Variants in FHIT observed in about 807,000 individuals in gnomAD.
FHIT encodes fragile histidine triad diadenosine triphosphatase.
In FHIT, 19 loss-of-function variants were observed where a neutral mutation model predicts 17.9. That is an observed-to-expected ratio of 1.06 (90% confidence interval 0.74 to 1.56). The LOEUF (loss-of-function observed/expected upper bound fraction) is 1.56, where lower values mean the gene tolerates loss of function less well. FHIT is among the 40% of genes most tolerant of loss of function. The pLI, the probability that FHIT is intolerant of heterozygous loss-of-function variation, is 0.00. For missense variants in FHIT, 248 were observed against 189.2 expected, an observed-to-expected ratio of 1.31 and a Z score of -1.82; for synonymous variants, 81 against 69.7, an observed-to-expected ratio of 1.16 and a Z score of -0.81.
rs1199346515 is a variant in FHIT at position 60,645,153 on chromosome 3, A to G, written c.-17-108174T>C. Among the ~76,000 whole-genome samples, 12 of 152,022 alleles carry G rather than the reference A, an allele frequency of 7.9e-5. No individual in the cohort carries two copies. In the East Asian group the frequency reaches 2.3e-3, roughly 29 times the overall value. On this transcript the variant is annotated intron_variant, in intron 4 of 9. Transcript: ENST00000492590. ...TTTCCATGACTCCTTCAGTTACTGT[A>G]TTGAAGTATATCAAAAACAACCCCA...
chr3:60,868,047 T>G (rs1175551262), intron 3 of FHIT, among the ~76,000 whole-genome samples: 3 of 152,122 alleles, frequency 2.0e-5, no homozygotes, highest in Non-Finnish European at 2.9e-5. Context: ...AGACATAGCT[T>G]GTTATGACAT....
chr3:60,483,497 A>G lies in FHIT; in HGVS notation c.103+53363T>C, dbSNP rs189103969. On this transcript the variant is annotated intron_variant, in intron 5 of 9. Transcript: ENST00000492590. ...TATCCACCACGATCAAGTCAGCTTC[A>G]TTCCTGGGATTCAATGGTGGTTCAA... Among the ~76,000 whole-genome samples the G allele has an allele frequency of 1.8e-4, 28 of 152,354 alleles. 1 individual carries two copies. In the South Asian group the frequency reaches 2.9e-3, roughly 16 times the overall value.
chr3:60,747,664 T>A (rs1198091834), intron 4 of FHIT, among the ~76,000 whole-genome samples: 8 of 152,200 alleles, frequency 5.3e-5, no homozygotes, highest in Non-Finnish European at 1.2e-4. Flanking sequence ...AGATTACTTT[T>A]AGCTGGGGTG....
intron 8 of FHIT, among the ~76,000 whole-genome samples, chr3:59,878,796 G>A (rs1271845253): frequency 1.3e-5 from 2 of 152,126 alleles, no homozygotes; most frequent in Non-Finnish European, 2.9e-5. Context: ...TAACGAGAAA[G>A]GGTTTGAGAG....
intron 5 of FHIT, among the ~76,000 whole-genome samples, chr3:60,295,472 G>A (rs937086586): frequency 2.0e-4 from 30 of 152,128 alleles, no homozygotes; most frequent in African/African-American, 6.7e-4. Flanking sequence ...AAGAGAGAGG[G>A]TAAAGGTGCC....
chr3:60,454,586 G>A (rs534168489), intron 5 of FHIT, among the ~76,000 whole-genome samples: 29 of 151,914 alleles, frequency 1.9e-4, no homozygotes, highest in South Asian at 2.1e-4. Flanking sequence ...GGGTTTCACC[G>A]TGTTAGCCAG....
intron 4 of FHIT, among the ~76,000 whole-genome samples, chr3:60,780,350 T>G (rs1700342468): frequency 6.6e-6 from 1 of 152,130 alleles, no homozygotes; most frequent in African/African-American, 2.4e-5. Flanking sequence ...AACCTTAAAC[T>G]GGTTAGCTTA....
At chr3:60,580,413 C>T (rs1553659352) in intron 4 of FHIT, among the ~76,000 whole-genome samples, 2 of 152,012 alleles carry the variant, frequency 1.3e-5, no homozygotes, top group African/African-American at 4.8e-5. Flanking sequence ...AATCACAATA[C>T]CTAAATTATG....
At chr3:60,315,095 C>T (rs929981846) in intron 5 of FHIT, among the ~76,000 whole-genome samples, 1 of 152,022 alleles carries the variant, frequency 6.6e-6, no homozygotes. Flanking sequence ...CAGCATGTGG[C>T]GAGAGAAAGG....
At chr3:60,229,959 C>T (rs2107550413) in intron 5 of FHIT, among the ~76,000 whole-genome samples, 1 of 152,206 alleles carries the variant, frequency 6.6e-6, no homozygotes, top group Non-Finnish European at 1.5e-5. Flanking sequence ...TCCAGCCTGG[C>T]CAACAGCACA....
chr3:60,077,926 C>T (rs1703105202), intron 5 of FHIT, among the ~76,000 whole-genome samples: 1 of 151,970 alleles, frequency 6.6e-6, no homozygotes, highest in Admixed American at 6.6e-5. Flanking sequence ...TAGTAACCAT[C>T]TTATTGTATA....
At chr3:60,002,057 T>C (rs1699749963) in intron 7 of FHIT, among the ~76,000 whole-genome samples, 1 of 152,062 alleles carries the variant, frequency 6.6e-6, no homozygotes, top group African/African-American at 2.4e-5. Context: ...AAAAGAATAT[T>C]TGGTGTGTTC....
intron 2 of FHIT, among the ~76,000 whole-genome samples, chr3:61,085,971 A>G (rs2035293042): frequency 6.6e-6 from 1 of 152,188 alleles, no homozygotes; most frequent in South Asian, 2.1e-4. Context: ...GTAGAAATAC[A>G]ATTGATGTTT....
At chr3:60,409,903 T>G (rs1702002197) in intron 5 of FHIT, among the ~76,000 whole-genome samples, 1 of 152,206 alleles carries the variant, frequency 6.6e-6, no homozygotes, top group Non-Finnish European at 1.5e-5. Flanking sequence ...AAACCAGATA[T>G]GCATTCCATC....
At chr3:59,942,482 G>C (rs1171086901) in intron 7 of FHIT, among the ~76,000 whole-genome samples, 1 of 152,070 alleles carries the variant, frequency 6.6e-6, no homozygotes, top group African/African-American at 2.4e-5. Context: ...TAAAAGGAAG[G>C]CATATTTACG....
chr3:59,894,614 T>C (rs1306349846), intron 8 of FHIT, among the ~76,000 whole-genome samples: 1 of 152,202 alleles, frequency 6.6e-6, no homozygotes, highest in Non-Finnish European at 1.5e-5. Flanking sequence ...GTGAACTGGA[T>C]AGACTCTACC....
chr3:59,921,522 T>C (rs1705403273), intron 8 of FHIT, among the ~76,000 whole-genome samples: 1 of 152,222 alleles, frequency 6.6e-6, no homozygotes, highest in African/African-American at 2.4e-5. Flanking sequence ...ATCACAGCAT[T>C]TTTCCTTGCA....
At chr3:59,939,479 A>T (rs188039065) in intron 7 of FHIT, among the ~76,000 whole-genome samples, 99 of 152,270 alleles carry the variant, frequency 6.5e-4, no homozygotes, top group African/African-American at 2.4e-3. Context: ...TGCTCCCTCA[A>T]GGTGTGGGTC....
chr3:61,238,982 T>A (rs2040299795), intron 1 of FHIT, among the ~76,000 whole-genome samples: 1 of 152,160 alleles, frequency 6.6e-6, no homozygotes, highest in Non-Finnish European at 1.5e-5. Context: ...GAGAAGGAAT[T>A]GGGTTATACA....
Sources: gnomAD v4.1 joint callset for allele counts (sites outside exome capture counted in the v4.1 genomes callset) on GRCh38, gnomAD v4.1.1 for gene constraint, MANE v1.5 for transcripts, NCBI Gene and HGNC (gene_info 2026-07-23, HGNC 2026-07-21) for gene names.